The following GRID2 variants were observed in gnomAD, a reference collection of about 807,000 sequenced individuals.
GRID2 encodes the protein glutamate ionotropic receptor delta type subunit 2, also known as glutamate receptor ionotropic, delta-2.
GRID2 carries 33 observed loss-of-function variants against 114.8 expected under a neutral mutation model. The observed-to-expected ratio is 0.29, with a 90% CI of 0.22 to 0.38. GRID2 has a LOEUF of 0.38. Among genes scored for constraint, GRID2 ranks in the 10% least tolerant of loss-of-function variants. The probability of loss-of-function intolerance (pLI) is 1.00; values close to 1 mark genes in which losing one functional copy is unlikely to be tolerated. For missense variants in GRID2, 1,184 were observed against 1,257.7 expected (o/e 0.94, Z 0.89); for synonymous variants, 505 against 449.9 (o/e 1.12, Z -1.55).
At chr4:93,279,004 G>T (rs1475715559) in intron 8 of GRID2, among the ~76,000 whole-genome samples, 1 of 151,256 alleles carries the variant, frequency 6.6e-6, no homozygotes, top group South Asian at 2.1e-4. Flanking sequence ...TTTAACAACC[G>T]CTTTTAAGTC....
At chr4:92,570,205 T>C (rs1304461164) in intron 1 of GRID2, among the ~76,000 whole-genome samples, 1 of 152,112 alleles carries the variant, frequency 6.6e-6, no homozygotes, top group South Asian at 2.1e-4. Context: ...CACCATTTAT[T>C]GAACAGGGTA....
chr4:92,652,990 A>G (rs1732041504), intron 2 of GRID2, among the ~76,000 whole-genome samples: 1 of 127,536 alleles, frequency 7.8e-6, no homozygotes, highest in African/African-American at 2.8e-5. Flanking sequence ...ATAAATATAT[A>G]TAAATATATA....
chr4:93,457,426 A>T (rs951530653), intron 11 of GRID2, among the ~76,000 whole-genome samples: 3 of 152,130 alleles, frequency 2.0e-5, no homozygotes, highest in Non-Finnish European at 4.4e-5. Context: ...GGCTGAAGCT[A>T]CATTTGTTAT....
chr4:93,484,383 A>G (rs965695412), intron 11 of GRID2, among the ~76,000 whole-genome samples: 1 of 151,912 alleles, frequency 6.6e-6, no homozygotes, highest in African/African-American at 2.4e-5. Context: ...AGGTTCATAA[A>G]ACCCATTAAT....
chr4:93,250,264 A>G (rs180984238), intron 8 of GRID2, among the ~76,000 whole-genome samples: 317 of 152,270 alleles, frequency 2.1e-3, no homozygotes, highest in Admixed American at 3.7e-3. Flanking sequence ...CAAACACTGC[A>G]TGTTCTCACT....
intron 13 of GRID2, among the ~76,000 whole-genome samples, chr4:93,545,949 GT>G (rs151133757): frequency 0.011 from 1,604 of 152,164 alleles, 37 homozygotes; most frequent in African/African-American, 0.036. Context: ...AAATAATAGT[GT>G]TTTTAAAAAG....
intron 2 of GRID2, among the ~76,000 whole-genome samples, chr4:93,012,689 T>C (rs1435267730): frequency 6.6e-6 from 1 of 151,904 alleles, no homozygotes; most frequent in Admixed American, 6.6e-5. Flanking sequence ...AAAAAACCTG[T>C]GCTATTAAAA....
At chr4:93,076,315 A>G (rs1200985916) in intron 2 of GRID2, among the ~76,000 whole-genome samples, 1 of 152,160 alleles carries the variant, frequency 6.6e-6, no homozygotes, top group Non-Finnish European at 1.5e-5. Flanking sequence ...GAGCATGAAA[A>G]TGTAAATCAG....
In GRID2 at chr4:92,876,266, ATCT is replaced by A. The variant is rs543117638; in HGVS notation, c.245-208727_245-208725del. 4.1e-3 allele frequency among the ~76,000 whole-genome samples: 620 copies of A among 149,580 alleles called. 7 individuals carry two copies. Among genetic ancestry groups the A allele is most frequent in the African/African-American group, 0.014 (586 of 40,986 alleles). ...ATTATGAAATTAAAAAAACCCAATT[ATCT>A]TTTTTTTTTATTATTTTATTTATTT... On this transcript the variant is annotated intron_variant, in intron 2 of 15. Coordinates refer to ENST00000282020, the MANE Select transcript of GRID2 (RefSeq NM_001510.4).
chr4:93,322,289 A>G (rs1209060689), intron 8 of GRID2, among the ~76,000 whole-genome samples: 5 of 152,070 alleles, frequency 3.3e-5, no homozygotes, highest in African/African-American at 1.2e-4. Context: ...GAGTGAGAAC[A>G]TGTGGTGTTT....
At chr4:93,277,465 T>C (rs1752175271) in intron 8 of GRID2, among the ~76,000 whole-genome samples, 1 of 151,900 alleles carries the variant, frequency 6.6e-6, no homozygotes, top group Non-Finnish European at 1.5e-5. Flanking sequence ...AGACTTTCCA[T>C]CGTCTTATTG....
intron 2 of GRID2, among the ~76,000 whole-genome samples, chr4:92,774,577 C>CTTTTTTTTT (rs1166044188): frequency 9.4e-6 from 1 of 106,370 alleles, no homozygotes; most frequent in Non-Finnish European, 1.8e-5. Context: ...TTTTTCTTTC[C>CTTTTTTTTT]TTTTTTTTTT....
intron 8 of GRID2, among the ~76,000 whole-genome samples, chr4:93,290,318 A>C (rs1167203808): frequency 6.6e-6 from 1 of 152,148 alleles, no homozygotes; most frequent in Non-Finnish European, 1.5e-5. Context: ...AGGTGTTCGG[A>C]TAGAGCTGGG....
chr4:92,465,058 T>A (rs1721682510), intron 1 of GRID2, among the ~76,000 whole-genome samples: 1 of 152,124 alleles, frequency 6.6e-6, no homozygotes, highest in Non-Finnish European at 1.5e-5. Context: ...TAACTGAAAG[T>A]TTCCTGAGGC....
chr4:92,432,094 G>A (rs938749756), intron 1 of GRID2, among the ~76,000 whole-genome samples: 2 of 152,164 alleles, frequency 1.3e-5, no homozygotes, highest in African/African-American at 4.8e-5. Flanking sequence ...CCCTCAACAA[G>A]CAGAGTCTCT....
Position 92,381,604 on chromosome 4 carries a change from G to A in GRID2, c.88+76860G>A, listed in dbSNP as rs181227416. On this transcript the variant is annotated intron_variant, in intron 1 of 15. Transcript: ENST00000282020. Reference sequence around the variant, plus strand: ...TCTCCACATCAGTTAATTCATTTGGGCAGCACACTTTTTCACCACAATGTA... The same window carrying A: ...TCTCCACATCAGTTAATTCATTTGGACAGCACACTTTTTCACCACAATGTA... Among the ~76,000 whole-genome samples, 366 of 151,926 alleles carry A rather than the reference G, an allele frequency of 2.4e-3. 1 individual carries two copies. Among genetic ancestry groups the A allele is most frequent in the African/African-American group, 8.5e-3 (352 of 41,450 alleles).
At chr4:92,311,195 T>A (rs542095080) in intron 1 of GRID2, among the ~76,000 whole-genome samples, 1 of 152,204 alleles carries the variant, frequency 6.6e-6, no homozygotes, top group East Asian at 1.9e-4. Flanking sequence ...ACACTTGCCT[T>A]TAGAATTTGC....
chr4:93,183,517 G>T (rs1374537839), intron 4 of GRID2, among the ~76,000 whole-genome samples: 1 of 152,074 alleles, frequency 6.6e-6, no homozygotes, highest in African/African-American at 2.4e-5. Flanking sequence ...GGTCCATTAG[G>T]GATTCTTCAT....
chr4:92,759,297 CTT>C (rs2149344130), intron 2 of GRID2, among the ~76,000 whole-genome samples: 1 of 152,192 alleles, frequency 6.6e-6, no homozygotes. Context: ...TCAACATAAA[CTT>C]TTAAAATATA....
Sources: allele counts gnomAD v4.1 joint callset (sites outside exome capture counted in the v4.1 genomes callset), GRCh38; gene constraint gnomAD v4.1.1; transcripts MANE v1.5; gene names NCBI Gene and HGNC (gene_info 2026-07-23, HGNC 2026-07-21).